D2HGDH: variants seen among roughly 807,000 people sequenced by gnomAD.
D2HGDH encodes D-2-hydroxyglutarate dehydrogenase, mitochondrial.
D2HGDH carries 31 observed loss-of-function variants against 46.9 expected under a neutral mutation model. The ratio of observed to expected loss-of-function variants is 0.66; its 90% CI spans 0.50 to 0.89. The LOEUF (loss-of-function observed/expected upper bound fraction) is 0.89, where lower values mean the gene tolerates loss of function less well. Among genes scored for constraint, D2HGDH ranks in the 40% least tolerant of loss-of-function variants. D2HGDH has a pLI of 0.00. For synonymous variants in D2HGDH, 364 were observed against 332.6 expected, an observed-to-expected ratio of 1.09 and a Z score of -1.03; for missense variants, 698 against 720.8, an observed-to-expected ratio of 0.97 and a Z score of 0.36.
At chr2:241,758,876 C>T (rs933545465) in intron 9 of D2HGDH, among the ~76,000 whole-genome samples, 2 of 151,630 alleles carry the variant, frequency 1.3e-5, no homozygotes, top group Admixed American at 1.3e-4. Context: ...GGGCCTCAAG[C>T]AAATGCTCCC....
At position 241,742,318 on chromosome 2, in the gene D2HGDH, C is replaced by T; in HGVS notation, c.351-117C>T. ...TGGGGAGGAGCCCCCGCTGAGGCTG[C>T]AGGCAGGGCAGGGTAATCAGGATTT... is the stretch of plus-strand genomic sequence containing the variant. On this transcript the variant is annotated intron_variant, in intron 3 of 9. Transcript: ENST00000321264. The surrounding 1 kb of genome is among the most constrained non-coding windows in gnomAD (Gnocchi z 4.8). The T allele has an allele frequency of 3.7e-6, 5 of 1,369,256 alleles. No homozygotes were observed. The highest frequency in any genetic ancestry group is 4.9e-6 in the Non-Finnish European group (5 of 1,010,210). 84.8% of individuals were successfully genotyped at this position (1,369,256 alleles called of 1,614,324 possible).
At chr2:241,759,226 C>A (rs970099405) in intron 9 of D2HGDH, among the ~76,000 whole-genome samples, 4 of 152,070 alleles carry the variant, frequency 2.6e-5, no homozygotes, top group Admixed American at 6.5e-5. Context: ...GTATACGTCG[C>A]GTGTTCATTC....
rs565359228 is a variant in D2HGDH at position 241,756,674 on chromosome 2, A to G, written c.1306+660A>G. Among the ~76,000 whole-genome samples, 5 of 152,076 alleles carry G rather than the reference A, an allele frequency of 3.3e-5. No homozygotes were observed. The East Asian group carries it at 9.7e-4, about 29-fold the overall frequency. ...GTCTCTGGGATTACAGGCGTCCACCACCAGGCCTGGCTAATTTTTGTATTT... is the reference window on the plus strand; with the variant it reads ...GTCTCTGGGATTACAGGCGTCCACCGCCAGGCCTGGCTAATTTTTGTATTT... On this transcript the variant is annotated intron_variant, in intron 9 of 9. Coordinates refer to ENST00000321264, the MANE Select transcript of D2HGDH (RefSeq NM_152783.5).
At chr2:241,752,919 C>T (rs997710735) in intron 8 of D2HGDH, among the ~76,000 whole-genome samples, 12 of 148,364 alleles carry the variant, frequency 8.1e-5, no homozygotes, top group African/African-American at 2.7e-4. Context: ...CCAGCCTCTG[C>T]ACATCATCCC....
chr2:241,764,675 C>G (rs943943139), intron 9 of D2HGDH, among the ~76,000 whole-genome samples: 3 of 152,250 alleles, frequency 2.0e-5, no homozygotes, highest in Non-Finnish European at 2.9e-5. Flanking sequence ...TCTGCCGCTT[C>G]TCAGTTGCCT....
Position 241,767,888 on chromosome 2 carries a change from G to A in D2HGDH, c.1485G>A (p.Leu495=). Residue 495 remains leucine (L), a synonymous_variant, in exon 10 of 10, where the codon CTG becomes CTA. Coordinates refer to ENST00000321264, the MANE Select transcript of D2HGDH (RefSeq NM_152783.5). ...VLGYSKPPGA[L]QLMQQLKALL... ...GCTACAGCAAGCCACCGGGGGCCCT[G>A]CAGCTCATGCAGCAGCTCAAGGCCC... 1 of 1,606,454 alleles carries A rather than the reference G, an allele frequency of 6.2e-7. No individual in the cohort carries two copies. Among genetic ancestry groups the A allele is most frequent in the Non-Finnish European group, 8.5e-7 (1 of 1,176,976 alleles).
intron 5 of D2HGDH, among the ~76,000 whole-genome samples, chr2:241,744,291 T>C (rs1695298070): frequency 6.6e-6 from 1 of 152,268 alleles, no homozygotes; most frequent in African/African-American, 2.4e-5. Context: ...CAGTAAATTA[T>C]GACGCTTCAG....
At chr2:241,749,410 G>C in intron 6 of D2HGDH, 1 of 1,239,298 alleles carries the variant, frequency 8.1e-7, no homozygotes, top group Non-Finnish European at 1.0e-6. Flanking sequence ...GTGGGCACGG[G>C]CCCCCTCCTG....
At chr2:241,740,933 C>A in intron 2 of D2HGDH, 100 bp from the exon 3 acceptor site, 3 of 908,918 alleles carry the variant, frequency 3.3e-6, no homozygotes, top group Admixed American at 2.0e-5. Context: ...GAGTGAGAGT[C>A]CGTCTCCAAA....
chr2:241,760,163 C>T (rs1324552328), intron 9 of D2HGDH, among the ~76,000 whole-genome samples: 8 of 86,170 alleles, frequency 9.3e-5, no homozygotes, highest in Middle Eastern at 9.3e-3. Context: ...AGTCGAAGGC[C>T]TTTGCTACAG....
intron 9 of D2HGDH, among the ~76,000 whole-genome samples, chr2:241,761,170 C>T (rs527735994): frequency 8.5e-5 from 13 of 152,266 alleles, no homozygotes; most frequent in African/African-American, 2.9e-4. Flanking sequence ...AAACAAAAGA[C>T]GATGTAGTAT....
chr2:241,765,092 C>T (rs534462087), intron 9 of D2HGDH, among the ~76,000 whole-genome samples: 1 of 152,202 alleles, frequency 6.6e-6, no homozygotes, highest in African/African-American at 2.4e-5. Context: ...AGGGGCGACA[C>T]CCATGGGGGT....
At chr2:241,745,012 T>A in intron 6 of D2HGDH, 135 bp downstream of exon 6, 1 of 1,204,420 alleles carries the variant, frequency 8.3e-7, no homozygotes, top group Non-Finnish European at 1.2e-6. Flanking sequence ...TCTCCTGACA[T>A]CTCTGCTTCC....
At chr2:241,755,725 G>T (rs1366819174) in intron 8 of D2HGDH, 124 bp from the exon 9 acceptor site, 1 of 1,589,164 alleles carries the variant, frequency 6.3e-7, no homozygotes, top group East Asian at 2.8e-5. Flanking sequence ...TTGCTGTCCG[G>T]GGTCGGAGCC....
chr2:241,736,034 T>C (rs2125006075), intron 2 of D2HGDH: 1 of 168,934 alleles, frequency 5.9e-6, no homozygotes, highest in East Asian at 1.8e-4. Context: ...TTGCTGGGAT[T>C]ACAGGCGTGA....
rs1477904530 is a variant in D2HGDH, at chr2:241,742,161, G to T, written c.351-274G>T. On this transcript the variant is annotated intron_variant, in intron 3 of 9. Transcript: ENST00000321264. The surrounding 1 kb of genome is among the most constrained non-coding windows in gnomAD (Gnocchi z 4.8). Reference sequence around the variant, plus strand: ...GTGTGAACGGGAAGGATGGGAGCCGGGCGTGTAGGACGTTCTGTCCTTTGA... The same window carrying T: ...GTGTGAACGGGAAGGATGGGAGCCGTGCGTGTAGGACGTTCTGTCCTTTGA... 6.6e-6 allele frequency among the ~76,000 whole-genome samples: 1 copy of T among 152,136 alleles called. No individual in the cohort carries two copies. Among genetic ancestry groups the T allele is most frequent in the Non-Finnish European group, 1.5e-5 (1 of 68,012 alleles).
At chr2:241,759,224 C>T (rs1399459615) in intron 9 of D2HGDH, among the ~76,000 whole-genome samples, 2 of 152,228 alleles carry the variant, frequency 1.3e-5, no homozygotes, top group East Asian at 1.9e-4. Context: ...AAGTATACGT[C>T]GCGTGTTCAT....
Position 241,735,183 on chromosome 2 carries a change from C to A in D2HGDH, c.-42C>A. The A allele has an allele frequency of 2.0e-6, 3 of 1,485,704 alleles. No individual in the cohort carries two copies. Among genetic ancestry groups the A allele is most frequent in the South Asian group, 1.3e-5 (1 of 77,638 alleles). The allele number at this position is 1,485,704 out of a possible 1,614,324, so 92.0% of individuals were successfully genotyped here. On this transcript the variant is annotated 5_prime_UTR_variant, in exon 2 of 10. Coordinates refer to ENST00000321264, the MANE Select transcript of D2HGDH (RefSeq NM_152783.5). ...TTCCCCTCCGGGCCCTGAGTACCGG[C>A]CCCCCACCAAGGAGGAGCCCGAGGT...
chr2:241,751,204 G>C (rs1458799212), intron 7 of D2HGDH, 42 bp from the exon 8 acceptor site: 1 of 1,613,424 alleles, frequency 6.2e-7, no homozygotes, highest in African/African-American at 1.3e-5. Flanking sequence ...TGCCCTGGCA[G>C]CCGGAGCCTC....
Sources: allele counts gnomAD v4.1 joint callset (sites outside exome capture counted in the v4.1 genomes callset), GRCh38; gene constraint gnomAD v4.1.1; non-coding constraint Gnocchi (gnomAD v3.1); transcripts MANE v1.5; gene names NCBI Gene and HGNC (gene_info 2026-07-23, HGNC 2026-07-21).